The following CSMD1 variants were observed in gnomAD, a reference collection of about 807,000 sequenced individuals.
The protein encoded by CSMD1 is CUB and sushi domain-containing protein 1.
A neutral mutation model predicts 417.5 loss-of-function variants in CSMD1; 213 were observed. That is an observed-to-expected ratio of 0.51 (90% CI 0.46 to 0.57). CSMD1 has a LOEUF of 0.57. Among genes scored for constraint, CSMD1 ranks in the 20% least tolerant of loss-of-function variants. The pLI is 0.00. For missense variants in CSMD1, 6,923 were observed against 4,529.7 expected, an observed-to-expected ratio of 1.53 and a Z score of -15.17; for synonymous variants, 2,862 against 1,736.8, an observed-to-expected ratio of 1.65 and a Z score of -16.11.
intron 3 of CSMD1, among the ~76,000 whole-genome samples, chr8:4,297,178 A>G (rs1797733259): frequency 6.6e-6 from 1 of 152,140 alleles, no homozygotes; most frequent in Admixed American, 6.5e-5. Context: ...ATATACTTTT[A>G]CAATCTAGAA....
chr8:4,923,061 A>T (rs1034589382), intron 1 of CSMD1, among the ~76,000 whole-genome samples: 1 of 152,180 alleles, frequency 6.6e-6, no homozygotes, highest in Non-Finnish European at 1.5e-5. Flanking sequence ...GAATTTTCCA[A>T]CTTAGGGGAA....
rs117067016 is a variant in CSMD1 at position 3,561,399 on chromosome 8, T to C, written c.1344+13546A>G. Among the ~76,000 whole-genome samples, 197 of 152,260 alleles carry C rather than the reference T, an allele frequency of 1.3e-3. 2 individuals are homozygous for C. In the East Asian group the frequency reaches 0.029, roughly 23 times the overall value. The stretch of plus-strand genomic sequence containing the variant: ...AATCAACTTAAGTGTCCAACAATGG[T>C]TGATCAGATAAAGAAAATGCGGTAT... On this transcript the variant is annotated intron_variant, in intron 10 of 69. Coordinates refer to ENST00000635120, the MANE Select transcript of CSMD1 (RefSeq NM_033225.6).
intron 26 of CSMD1, among the ~76,000 whole-genome samples, chr8:3,276,244 G>T (rs886804714): frequency 2.0e-5 from 3 of 152,126 alleles, no homozygotes; most frequent in Admixed American, 6.6e-5. Context: ...GCTTCTTGGG[G>T]GTCAGGGACC....
chr8:4,065,415 C>G (rs1333657909), intron 3 of CSMD1, among the ~76,000 whole-genome samples: 2 of 152,180 alleles, frequency 1.3e-5, no homozygotes, highest in Non-Finnish European at 2.9e-5. Context: ...TTTTGTAAAA[C>G]TTCTAGAGAA....
chr8:3,384,296 T>C (rs1221726571), intron 18 of CSMD1, among the ~76,000 whole-genome samples: 1 of 152,288 alleles, frequency 6.6e-6, no homozygotes, highest in South Asian at 2.1e-4. Flanking sequence ...GTAACTTATT[T>C]CATGTACATT....
chr8:2,953,239 A>G (rs1802756657), intron 65 of CSMD1, among the ~76,000 whole-genome samples: 1 of 152,174 alleles, frequency 6.6e-6, no homozygotes, highest in Admixed American at 6.5e-5. Context: ...ATAGTCTAGA[A>G]AGCTTTAAAA....
At chr8:4,832,163 C>T (rs959596778) in intron 1 of CSMD1, among the ~76,000 whole-genome samples, 3 of 152,160 alleles carry the variant, frequency 2.0e-5, no homozygotes, top group African/African-American at 7.2e-5. Flanking sequence ...ATTACACTCA[C>T]GTACATCAGC....
chr8:4,298,465 G>T (rs899471795), intron 3 of CSMD1, among the ~76,000 whole-genome samples: 2 of 151,978 alleles, frequency 1.3e-5, no homozygotes, highest in African/African-American at 4.8e-5. Flanking sequence ...AAATTACTTA[G>T]TGAGTACAAT....
At chr8:3,724,466 A>C (rs1222606272) in intron 6 of CSMD1, among the ~76,000 whole-genome samples, 1 of 152,166 alleles carries the variant, frequency 6.6e-6, no homozygotes, top group African/African-American at 2.4e-5. Flanking sequence ...TTCTGAATAT[A>C]TTAAGTATTG....
At chr8:3,547,240 C>A (rs1798705709) in intron 10 of CSMD1, among the ~76,000 whole-genome samples, 1 of 152,168 alleles carries the variant, frequency 6.6e-6, no homozygotes. Context: ...GAGCAAGCCT[C>A]TTCTTGTGTT....
chr8:4,370,651 T>C (rs1054133959), intron 3 of CSMD1, among the ~76,000 whole-genome samples: 2 of 152,362 alleles, frequency 1.3e-5, no homozygotes, highest in Non-Finnish European at 2.9e-5. Flanking sequence ...TTTTTAATTT[T>C]TGTATGCTCA....
chr8:4,086,137 T>G (rs1472732222), intron 3 of CSMD1, among the ~76,000 whole-genome samples: 2 of 152,196 alleles, frequency 1.3e-5, no homozygotes, highest in East Asian at 3.8e-4. Flanking sequence ...ATTGCTACAT[T>G]TAAGTTGCAA....
At chr8:3,965,102 T>A (rs183017061) in intron 5 of CSMD1, among the ~76,000 whole-genome samples, 21 of 152,328 alleles carry the variant, frequency 1.4e-4, no homozygotes, top group Middle Eastern at 3.4e-3. Flanking sequence ...AGTAAATGGA[T>A]AACTTCAGGC....
intron 6 of CSMD1, among the ~76,000 whole-genome samples, chr8:3,717,286 C>T (rs2623564): frequency 0.9 from 136,786 of 152,196 alleles, 61,785 homozygotes; most frequent in Admixed American, 0.94. Context: ...TCTTTCAACG[C>T]TTATCTCAGA....
intron 58 of CSMD1, 130 bp downstream of exon 58, chr8:2,966,440 C>A: frequency 1.2e-6 from 1 of 811,920 alleles, no homozygotes; most frequent in Admixed American, 2.9e-5. Context: ...CAATGTCACA[C>A]ATAGTTTTCC....
chr8:3,777,137 C>T (rs1011744638), intron 5 of CSMD1, among the ~76,000 whole-genome samples: 7 of 151,542 alleles, frequency 4.6e-5, no homozygotes, highest in African/African-American at 1.5e-4. Flanking sequence ...CACACACACA[C>T]ACACACACAC....
intron 3 of CSMD1, among the ~76,000 whole-genome samples, chr8:4,091,607 T>A (rs774293357): frequency 1.3e-5 from 2 of 152,168 alleles, no homozygotes; most frequent in Non-Finnish European, 2.9e-5. Flanking sequence ...ACACCTCACA[T>A]AGAGTAGCAA....
intron 12 of CSMD1, among the ~76,000 whole-genome samples, chr8:3,454,618 T>C (rs1259576321): frequency 6.6e-6 from 1 of 152,236 alleles, no homozygotes; most frequent in Admixed American, 6.5e-5. Context: ...ACTTGTTTTC[T>C]TTAGGAATGT....
chr8:4,273,078 G>A (rs1563369556), intron 3 of CSMD1, among the ~76,000 whole-genome samples: 1 of 151,990 alleles, frequency 6.6e-6, no homozygotes, highest in Non-Finnish European at 1.5e-5. Context: ...GATTTTTGAG[G>A]AAGAAGTATA....
Sources: allele counts gnomAD v4.1 joint callset (sites outside exome capture counted in the v4.1 genomes callset), GRCh38; gene constraint gnomAD v4.1.1; transcripts MANE v1.5; gene names NCBI Gene and HGNC (gene_info 2026-07-23, HGNC 2026-07-21).